The following ATP8B4 variants were observed in gnomAD, a reference collection of about 807,000 sequenced individuals.
The protein encoded by ATP8B4 is probable phospholipid-transporting ATPase IM.
In ATP8B4, 133 loss-of-function variants were observed where a neutral mutation model predicts 145.6. The observed-to-expected ratio is 0.91, with a 90% confidence interval of 0.79 to 1.05. ATP8B4 has a LOEUF of 1.05. Among genes scored for constraint, ATP8B4 ranks in the 50% least tolerant of loss-of-function variants. The pLI is 0.00. For missense variants in ATP8B4, 1,458 were observed against 1,425.2 expected, an observed-to-expected ratio of 1.02 and a Z score of -0.37; for synonymous variants, 507 against 492.9, an observed-to-expected ratio of 1.03 and a Z score of -0.38.
chr15:49,862,366 C>T lies in ATP8B4; in HGVS notation c.3176G>A (p.Arg1059Gln), dbSNP rs146911077. 4,888 of 1,613,114 alleles carry T rather than the reference C, an allele frequency of 3.0e-3. 14 individuals are homozygous for T. Among genetic ancestry groups the T allele is most frequent in the Non-Finnish European group, 3.4e-3 (4,053 of 1,179,358 alleles). The change falls in exon 27 of 28, where the codon CGA (arginine) becomes CAA (glutamine). Residue 1059 changes from arginine to glutamine, a missense_variant. Physicochemically the swap from Arg to Gln is conservative, Grantham distance 43. Coordinates refer to ENST00000284509, the MANE Select transcript of ATP8B4 (RefSeq NM_024837.4). ...PNQFPFVGNA[R>Q]HSLTQKCIWL... ...GATGCACTTCTGGGTCAGGGAATGT[C>T]GTGCATTACCTATCAATCATTAAAG... is the stretch of plus-strand genomic sequence containing the variant.
intron 1 of ATP8B4, among the ~76,000 whole-genome samples, chr15:50,164,752 C>T (rs80263986): frequency 0.013 from 2,033 of 152,320 alleles, 48 homozygotes; most frequent in African/African-American, 0.047. Flanking sequence ...CCCATGGTGA[C>T]GGGCTTCCAG....
intron 1 of ATP8B4, among the ~76,000 whole-genome samples, chr15:50,141,873 C>G (rs1437897928): frequency 6.6e-6 from 1 of 152,128 alleles, no homozygotes; most frequent in Non-Finnish European, 1.5e-5. Flanking sequence ...AACATATTTC[C>G]CTGAACACAG....
At chr15:49,962,989 T>C (rs2044211291) in intron 13 of ATP8B4, among the ~76,000 whole-genome samples, 1 of 151,996 alleles carries the variant, frequency 6.6e-6, no homozygotes, top group Non-Finnish European at 1.5e-5. Context: ...ACCTACAGAA[T>C]GAGAGAAAAT....
intron 20 of ATP8B4, among the ~76,000 whole-genome samples, 159 bp from the exon 21 acceptor site, chr15:49,901,398 T>C (rs993272368): frequency 2.6e-5 from 4 of 152,208 alleles, no homozygotes; most frequent in African/African-American, 9.6e-5. Context: ...TAATTCTTTG[T>C]GATGGGAATA....
intron 23 of ATP8B4, among the ~76,000 whole-genome samples, chr15:49,886,226 G>A (rs1431243871): frequency 1.3e-5 from 2 of 152,066 alleles, no homozygotes; most frequent in East Asian, 1.9e-4. Flanking sequence ...TAAGGGAGTC[G>A]GCAGACAGAA....
At chr15:49,871,756 A>T (rs1383410409) in intron 25 of ATP8B4, among the ~76,000 whole-genome samples, 1 of 152,190 alleles carries the variant, frequency 6.6e-6, no homozygotes, top group Non-Finnish European at 1.5e-5. Flanking sequence ...AGACACTGGA[A>T]GCCTCTACTC....
intron 1 of ATP8B4, among the ~76,000 whole-genome samples, chr15:50,176,056 C>CTG (rs1567420235): frequency 1.3e-5 from 2 of 150,286 alleles, no homozygotes; most frequent in Non-Finnish European, 3.0e-5. Context: ...TATATATATA[C>CTG]CGCAGAGTAT....
At position 50,049,304 on chromosome 15, in the gene ATP8B4, C is replaced by T. The variant is rs541192491; in HGVS notation, c.88-1840G>A. ...TTTCAACCCTTACCCCACCCTTTCACTCTCCTCACTCTAGTAATCCCCAAT... is the reference window on the plus strand; with the variant it reads ...TTTCAACCCTTACCCCACCCTTTCATTCTCCTCACTCTAGTAATCCCCAAT... On this transcript the variant is annotated intron_variant, in intron 3 of 27. Transcript: ENST00000284509. Among the ~76,000 whole-genome samples, 81 of 152,290 alleles carry T rather than the reference C, an allele frequency of 5.3e-4. 1 individual carries two copies. The highest frequency in any genetic ancestry group is 5.8e-4 in the East Asian group (3 of 5,180).
upstream of ATP8B4, among the ~76,000 whole-genome samples, chr15:50,120,195 C>T (rs1249741610): frequency 6.6e-6 from 1 of 152,076 alleles, no homozygotes; most frequent in African/African-American, 2.4e-5. Context: ...ATCAACTCCA[C>T]TCTCCTGGAA....
chr15:50,065,203 T>C (rs543087270), intron 3 of ATP8B4, among the ~76,000 whole-genome samples: 3 of 152,192 alleles, frequency 2.0e-5, no homozygotes, highest in Non-Finnish European at 4.4e-5. Context: ...CATTATGTTG[T>C]GTACTATAAA....
At chr15:50,091,171 G>A (rs2055588055) in intron 2 of ATP8B4, among the ~76,000 whole-genome samples, 1 of 152,032 alleles carries the variant, frequency 6.6e-6, no homozygotes, top group Admixed American at 6.6e-5. Flanking sequence ...GTTCTGTTTG[G>A]ACAAATTGTG....
chr15:50,145,727 C>T (rs2044267907), intron 1 of ATP8B4, among the ~76,000 whole-genome samples: 1 of 152,052 alleles, frequency 6.6e-6, no homozygotes, highest in African/African-American at 2.4e-5. Flanking sequence ...CACTCAGGTA[C>T]ACCAAGAAGA....
chr15:49,926,977 T>G (rs2040780078), intron 16 of ATP8B4, among the ~76,000 whole-genome samples: 1 of 152,200 alleles, frequency 6.6e-6, no homozygotes, highest in African/African-American at 2.4e-5. Flanking sequence ...TCTAAAGATC[T>G]CGTAAGAGCC....
chr15:49,920,176 C>A, intron 18 of ATP8B4, 70 bp downstream of exon 18: 1 of 1,544,742 alleles, frequency 6.5e-7, no homozygotes, highest in South Asian at 1.2e-5. Context: ...ATGGCTTATT[C>A]CTGTGCTAAA....
At chr15:49,952,525 A>C (rs1312837888) in intron 14 of ATP8B4, among the ~76,000 whole-genome samples, 1 of 152,008 alleles carries the variant, frequency 6.6e-6, no homozygotes, top group Non-Finnish European at 1.5e-5. Flanking sequence ...AACTTCTCAT[A>C]CTGTGTTTTT....
intron 3 of ATP8B4, among the ~76,000 whole-genome samples, chr15:50,056,243 A>G (rs2052585942): frequency 1.3e-5 from 2 of 152,212 alleles, no homozygotes; most frequent in Non-Finnish European, 2.9e-5. Flanking sequence ...AATTTTTGTT[A>G]AAGTCCTTCT....
intron 23 of ATP8B4, among the ~76,000 whole-genome samples, chr15:49,881,519 C>T (rs2035413041): frequency 6.6e-6 from 1 of 152,118 alleles, no homozygotes; most frequent in Admixed American, 6.5e-5. Flanking sequence ...CAAAGTGATA[C>T]AAGACAGCTG....
At chr15:49,956,910 T>G (rs1010643877) in intron 14 of ATP8B4, among the ~76,000 whole-genome samples, 2 of 151,706 alleles carry the variant, frequency 1.3e-5, no homozygotes, top group African/African-American at 4.8e-5. Context: ...AATAGAAAAA[T>G]AACTGAAAAA....
At chr15:50,048,281 A>G (rs2051883926) in intron 3 of ATP8B4, among the ~76,000 whole-genome samples, 1 of 152,118 alleles carries the variant, frequency 6.6e-6, no homozygotes, top group South Asian at 2.1e-4. Flanking sequence ...GGGGGCACTT[A>G]GTCATATGTG....
Sources: gnomAD v4.1 joint callset for allele counts (sites outside exome capture counted in the v4.1 genomes callset) on GRCh38, gnomAD v4.1.1 for gene constraint, MANE v1.5 for transcripts, NCBI Gene and HGNC (gene_info 2026-07-23, HGNC 2026-07-21) for gene names.